Variants in GALNT2 observed in about 807,000 individuals in gnomAD.
GALNT2 encodes polypeptide N-acetylgalactosaminyltransferase 2.
Under a neutral mutation model 81.4 loss-of-function variants are expected in GALNT2, and 31 were observed. The ratio of observed to expected loss-of-function variants is 0.38; its 90% CI spans 0.29 to 0.51. GALNT2 has a LOEUF of 0.51. Among genes scored for constraint, GALNT2 ranks in the 20% least tolerant of loss-of-function variants. The probability of loss-of-function intolerance (pLI) is 0.87; values close to 1 mark genes in which losing one functional copy is unlikely to be tolerated. For synonymous variants in GALNT2, 303 were observed against 287.4 expected (o/e 1.05, Z -0.55); for missense variants, 629 against 765.7 (o/e 0.82, Z 2.11).
rs577856826 is a variant in GALNT2, at chr1:230,271,117, C to T, written c.1441-3328C>T. On this transcript the variant is annotated intron_variant, in intron 14 of 15. Coordinates refer to ENST00000366672, the MANE Select transcript of GALNT2 (RefSeq NM_004481.5). The surrounding 1 kb of genome is among the most constrained non-coding windows in gnomAD (Gnocchi z 4.2). ...AGCGTTGTCCCTCTTACTCAGGACT[C>T]TCCTCTTCACTGTGAGTGGGCGTCT... is the stretch of plus-strand genomic sequence containing the variant. 6.6e-6 allele frequency among the ~76,000 whole-genome samples: 1 copy of T among 152,342 alleles called. No homozygotes were observed. Among genetic ancestry groups the T allele is most frequent in the Admixed American group, 6.5e-5 (1 of 15,296 alleles).
chr1:230,066,777 G>C (rs750982875), upstream of GALNT2, among the ~76,000 whole-genome samples: 9 of 152,186 alleles, frequency 5.9e-5, no homozygotes, highest in Non-Finnish European at 1.3e-4. Flanking sequence ...GTAATCGAGA[G>C]GCCCCGTGTG....
At chr1:230,167,199 G>A (rs1662632076) in intron 1 of GALNT2, among the ~76,000 whole-genome samples, 1 of 151,856 alleles carries the variant, frequency 6.6e-6, no homozygotes, top group African/African-American at 2.4e-5. Context: ...AGGCTGGAGT[G>A]CGATGATGCG....
At chr1:230,136,822 C>T (rs1485488380) in intron 1 of GALNT2, among the ~76,000 whole-genome samples, 5 of 152,178 alleles carry the variant, frequency 3.3e-5, no homozygotes, top group Non-Finnish European at 4.4e-5. Context: ...TTTATCTGGT[C>T]CAAGGTCATT....
At chr1:230,233,855 G>A (rs754088621) in intron 3 of GALNT2, among the ~76,000 whole-genome samples, 63 of 152,344 alleles carry the variant, frequency 4.1e-4, no homozygotes, top group Non-Finnish European at 8.1e-4. Context: ...GCATAGGGGA[G>A]AGGCAAGTGA....
At chr1:230,231,928 G>A (rs1664877849) in intron 3 of GALNT2, among the ~76,000 whole-genome samples, 1 of 152,088 alleles carries the variant, frequency 6.6e-6, no homozygotes, top group Admixed American at 6.6e-5. Context: ...ACTGCACACT[G>A]TTCCTGCCGC....
chr1:230,207,599 TTTTTC>T (rs1349056431), intron 3 of GALNT2, among the ~76,000 whole-genome samples: 1 of 152,192 alleles, frequency 6.6e-6, no homozygotes, highest in Non-Finnish European at 1.5e-5. Context: ...TCTTATTTTT[TTTTTC>T]TTTTCTTTCT....
intron 1 of GALNT2, among the ~76,000 whole-genome samples, chr1:230,163,183 A>T (rs1435342955): frequency 6.6e-6 from 1 of 152,150 alleles, no homozygotes; most frequent in African/African-American, 2.4e-5. Context: ...CAACAACAAC[A>T]ACAACAAACT....
intron 3 of GALNT2, among the ~76,000 whole-genome samples, chr1:230,205,249 C>T (rs558634578): frequency 6.6e-6 from 1 of 152,280 alleles, no homozygotes; most frequent in African/African-American, 2.4e-5. Flanking sequence ...AGTTAACTGC[C>T]AGGAGCTTCC....
At chr1:230,141,589 A>G (rs1331354913) in intron 1 of GALNT2, among the ~76,000 whole-genome samples, 1 of 152,120 alleles carries the variant, frequency 6.6e-6, no homozygotes, top group East Asian at 1.9e-4. Flanking sequence ...TAATGTCCTC[A>G]GGGTTCATCC....
chr1:230,070,667 G>C lies in GALNT2; in HGVS notation c.126+3261G>C, dbSNP rs1189073918. ...CCTTGCCCGAGAGTCCAAGGGTGGG[G>C]GACTTTGGGTGGGATCTTCTAGGAA... On this transcript the variant is annotated intron_variant, in intron 1 of 15. Transcript: ENST00000366672. The surrounding 1 kb of genome is among the most constrained non-coding windows in gnomAD (Gnocchi z 4.7). Among the ~76,000 whole-genome samples the C allele has an allele frequency of 1.3e-5, 2 of 152,172 alleles. No individual in the cohort carries two copies. The highest frequency in any genetic ancestry group is 2.9e-5 in the Non-Finnish European group (2 of 68,038).
intron 1 of GALNT2, among the ~76,000 whole-genome samples, chr1:230,107,957 G>T (rs554837487): frequency 1.3e-5 from 2 of 152,302 alleles, no homozygotes; most frequent in Admixed American, 6.5e-5. Context: ...CCCCATTTCT[G>T]TGCGGGTGCA....
intron 1 of GALNT2, among the ~76,000 whole-genome samples, chr1:230,083,030 A>T (rs189057590): frequency 6.7e-6 from 1 of 149,820 alleles, no homozygotes; most frequent in Admixed American, 6.6e-5. Context: ...GGCAGTTGGG[A>T]TGATGGAGGA....
intron 1 of GALNT2, among the ~76,000 whole-genome samples, chr1:230,119,337 G>A (rs1243350375): frequency 2.0e-5 from 3 of 152,188 alleles, no homozygotes; most frequent in Non-Finnish European, 4.4e-5. Flanking sequence ...TCTCCGTGGG[G>A]TAGTTTTCCA....
intron 3 of GALNT2, 89 bp from the exon 4 acceptor site, chr1:230,235,925 T>C: frequency 8.9e-7 from 1 of 1,121,298 alleles, no homozygotes; most frequent in Non-Finnish European, 1.3e-6. Context: ...CCATCCCAGT[T>C]GGTCAGTCTG....
intron 1 of GALNT2, among the ~76,000 whole-genome samples, chr1:230,099,865 C>G (rs752542784): frequency 3.3e-5 from 5 of 152,238 alleles, no homozygotes; most frequent in Non-Finnish European, 7.3e-5. Flanking sequence ...CCACAGCCTC[C>G]TTTCCAATTT....
chr1:230,267,919 G>A lies in GALNT2; in HGVS notation c.1440+2552G>A, dbSNP rs1201764497. 8.5e-5 allele frequency among the ~76,000 whole-genome samples: 13 copies of A among 152,220 alleles called. No individual in the cohort carries two copies. The East Asian group carries it at 1.3e-3, about 16-fold the overall frequency. ...GACTCACTCAGAGGTGATGGAGGGCGCCGTGCGGTGCTGCTGTGGGTCCCG... is the reference window on the plus strand; with the variant it reads ...GACTCACTCAGAGGTGATGGAGGGCACCGTGCGGTGCTGCTGTGGGTCCCG... On this transcript the variant is annotated intron_variant, in intron 14 of 15. Coordinates refer to ENST00000366672, the MANE Select transcript of GALNT2 (RefSeq NM_004481.5).
chr1:230,219,997 A>T (rs1664498508), intron 3 of GALNT2, among the ~76,000 whole-genome samples: 1 of 152,234 alleles, frequency 6.6e-6, no homozygotes, highest in African/African-American at 2.4e-5. Flanking sequence ...GTAATTAGAC[A>T]GTTCTCTAAT....
At chr1:230,227,831 T>A (rs920973097) in intron 3 of GALNT2, among the ~76,000 whole-genome samples, 1 of 152,188 alleles carries the variant, frequency 6.6e-6, no homozygotes, top group East Asian at 1.9e-4. Context: ...CAAGGCAAGG[T>A]TGTTTTTTAC....
intron 1 of GALNT2, among the ~76,000 whole-genome samples, chr1:230,113,333 GTTC>G (rs1030308506): frequency 2.6e-5 from 4 of 152,060 alleles, no homozygotes; most frequent in Admixed American, 1.3e-4. Flanking sequence ...TTCTTTCTCT[GTTC>G]TTCTCTCCTT....
Sources: allele counts gnomAD v4.1 joint callset (sites outside exome capture counted in the v4.1 genomes callset), GRCh38; gene constraint gnomAD v4.1.1; non-coding constraint Gnocchi (gnomAD v3.1); transcripts MANE v1.5; gene names NCBI Gene and HGNC (gene_info 2026-07-23, HGNC 2026-07-21).